The following PPP2R3C variants were observed in gnomAD, a reference collection of about 807,000 sequenced individuals.
PPP2R3C encodes protein phosphatase 2 regulatory subunit B''gamma.
PPP2R3C carries 47 observed loss-of-function variants against 63.7 expected under a neutral mutation model. The observed-to-expected ratio is 0.74, with a 90% CI of 0.58 to 0.94. The LOEUF is 0.94. Ranked by LOEUF, PPP2R3C falls within the 40% of genes least tolerant of loss-of-function variation. The pLI is 0.00. For synonymous variants in PPP2R3C, 180 were observed against 177.4 expected (o/e 1.01, Z -0.12); for missense variants, 421 against 518.4 (o/e 0.81, Z 1.82).
At position 35,108,802 on chromosome 14, in the gene PPP2R3C, G is replaced by A. The variant is rs2046446498; in HGVS notation, c.405-566C>T. On this transcript the variant is annotated intron_variant, in intron 4 of 12. Coordinates refer to ENST00000261475, the MANE Select transcript of PPP2R3C (RefSeq NM_017917.4). ...AGATAAATATATATATATAAACAGA[G>A]ATTTGCTCTGTTGCCCTGACTGATC... Among the ~76,000 whole-genome samples, 6 of 151,820 alleles carry A rather than the reference G, an allele frequency of 4.0e-5. No individual in the cohort carries two copies. The South Asian group carries it at 1.2e-3, about 31-fold the overall frequency.
intron 5 of PPP2R3C, chr14:35,107,590 T>C (rs2046404678): frequency 3.9e-6 from 2 of 518,530 alleles, no homozygotes; most frequent in Admixed American, 6.6e-5. Context: ...TTGAAGATAC[T>C]GTTCTTTACC....
intron 2 of PPP2R3C, among the ~76,000 whole-genome samples, chr14:35,112,529 C>T (rs985034783): frequency 1.9e-4 from 29 of 152,232 alleles, no homozygotes; most frequent in African/African-American, 6.3e-4. Flanking sequence ...AACTAAGATG[C>T]CATCCCTCCC....
At chr14:35,107,620 C>A in intron 5 of PPP2R3C, 1 of 469,682 alleles carries the variant, frequency 2.1e-6, no homozygotes, top group Non-Finnish European at 3.8e-6. Context: ...TGGTGTTCCA[C>A]CAAACAGGGA....
chr14:35,093,183 A>T (rs2045882935), intron 10 of PPP2R3C, among the ~76,000 whole-genome samples: 1 of 151,972 alleles, frequency 6.6e-6, no homozygotes. Flanking sequence ...ACTGCACTCC[A>T]GCCTGGGCGA....
chr14:35,085,946 T>C, intron 12 of PPP2R3C, 168 bp from the exon 13 acceptor site: 1 of 580,598 alleles, frequency 1.7e-6, no homozygotes, highest in Non-Finnish European at 2.9e-6. Context: ...TCTTTTCCAT[T>C]TAACAGGCAG....
chr14:35,122,285 G>A (rs187214830), upstream of PPP2R3C: 66 of 337,500 alleles, frequency 2.0e-4, no homozygotes, highest in East Asian at 3.7e-3. Flanking sequence ...TTTGGCGCGT[G>A]CGCACCACGT....
Position 35,116,545 on chromosome 14 carries a change from C to A in PPP2R3C, c.186+65G>T, listed in dbSNP as rs577288831. The A allele has an allele frequency of 5.5e-5, 75 of 1,369,756 alleles. No homozygotes were observed. In the South Asian group the frequency reaches 7.2e-4, roughly 13 times the overall value. 84.9% of individuals were successfully genotyped at this position (1,369,756 alleles called of 1,614,324 possible). ...GTTGGGATTACAGGTATGAGCCACC[C>A]TGCCTTGCCAAAAATTATATTTCAT... is the stretch of plus-strand genomic sequence containing the variant. On this transcript the variant is annotated intron_variant, in intron 2 of 12. Transcript: ENST00000261475.
intron 2 of PPP2R3C, among the ~76,000 whole-genome samples, chr14:35,113,416 A>G (rs954330677): frequency 3.3e-5 from 5 of 152,210 alleles, no homozygotes; most frequent in South Asian, 2.1e-4. Context: ...AAGGAAAAAA[A>G]GGAGATTCCC....
chr14:35,107,520 C>T, intron 5 of PPP2R3C, 146 bp from the exon 6 acceptor site: 1 of 638,386 alleles, frequency 1.6e-6, no homozygotes, highest in East Asian at 2.7e-5. Context: ...AAACAAAAAA[C>T]CATAGAATGG....
At chr14:35,121,222 C>T (rs934655627) in intron 1 of PPP2R3C, among the ~76,000 whole-genome samples, 1 of 151,954 alleles carries the variant, frequency 6.6e-6, no homozygotes, top group East Asian at 1.9e-4. Context: ...ACTAGAAATA[C>T]AAAAATTAAC....
At chr14:35,120,936 A>T (rs1257663467) in intron 1 of PPP2R3C, among the ~76,000 whole-genome samples, 3 of 151,708 alleles carry the variant, frequency 2.0e-5, no homozygotes, top group Non-Finnish European at 4.4e-5. Flanking sequence ...ACACAGGGAG[A>T]TCCTGTATCG....
At chr14:35,108,355 T>A in intron 4 of PPP2R3C, 119 bp from the exon 5 acceptor site, 31 of 1,100,814 alleles carry the variant, frequency 2.8e-5, no homozygotes, top group Non-Finnish European at 3.5e-5. Flanking sequence ...CAATAGAGAC[T>A]CCTTATAATT....
intron 5 of PPP2R3C, chr14:35,107,583 A>C: frequency 1.8e-6 from 1 of 541,490 alleles, no homozygotes; most frequent in East Asian, 3.0e-5. Flanking sequence ...TGACACCTTG[A>C]AGATACTGTT....
At chr14:35,119,074 A>G (rs1484865394) in intron 1 of PPP2R3C, among the ~76,000 whole-genome samples, 4 of 133,668 alleles carry the variant, frequency 3.0e-5, no homozygotes, top group Admixed American at 7.6e-5. Flanking sequence ...GTCTCGTTCT[A>G]TCGCCCAGGC....
intron 6 of PPP2R3C, among the ~76,000 whole-genome samples, chr14:35,104,060 A>G (rs1340116295): frequency 6.6e-6 from 1 of 152,228 alleles, no homozygotes; most frequent in African/African-American, 2.4e-5. Context: ...ATCCATGGAA[A>G]GAGGCAAGAC....
At chr14:35,119,828 A>G (rs955391310) in intron 1 of PPP2R3C, among the ~76,000 whole-genome samples, 1 of 150,806 alleles carries the variant, frequency 6.6e-6, no homozygotes, top group Non-Finnish European at 1.5e-5. Flanking sequence ...GGACTCTTAA[A>G]TAGGAGCATG....
At chr14:35,096,433 T>C in intron 9 of PPP2R3C, 125 bp downstream of exon 9, 3 of 934,952 alleles carry the variant, frequency 3.2e-6, no homozygotes, top group Non-Finnish European at 4.9e-6. Context: ...TGTAGAATAC[T>C]AAAGCTTAAG....
chr14:35,109,453 C>G (rs895084377), intron 4 of PPP2R3C, among the ~76,000 whole-genome samples: 2 of 151,860 alleles, frequency 1.3e-5, no homozygotes, highest in African/African-American at 4.8e-5. Context: ...AAATGTCATT[C>G]CATTTACTTC....
intron 1 of PPP2R3C, among the ~76,000 whole-genome samples, chr14:35,121,041 C>T (rs1341941391): frequency 6.6e-6 from 1 of 152,072 alleles, no homozygotes; most frequent in Non-Finnish European, 1.5e-5. Context: ...ACACGGTAGA[C>T]ATGACCAAAA....
Sources: allele counts gnomAD v4.1 joint callset (sites outside exome capture counted in the v4.1 genomes callset), GRCh38; gene constraint gnomAD v4.1.1; transcripts MANE v1.5; gene names NCBI Gene and HGNC (gene_info 2026-07-23, HGNC 2026-07-21).